SLC19A2: variants seen among roughly 807,000 people sequenced by gnomAD.
SLC19A2 encodes thiamine transporter 1.
Under a neutral mutation model 44.7 loss-of-function variants are expected in SLC19A2, and 27 were observed. The observed-to-expected ratio is 0.60, with a 90% CI of 0.45 to 0.83. The LOEUF is 0.83. Among genes scored for constraint, SLC19A2 ranks in the 40% least tolerant of loss-of-function variants. The pLI is 0.00. For synonymous variants in SLC19A2, 239 were observed against 243.6 expected (o/e 0.98, Z 0.18); for missense variants, 566 against 613.7 (o/e 0.92, Z 0.82).
chr1:169,467,600 CATT>C (rs1295371982), intron 5 of SLC19A2, among the ~76,000 whole-genome samples: 6 of 152,124 alleles, frequency 3.9e-5, no homozygotes, highest in Non-Finnish European at 5.9e-5. Flanking sequence ...AAAGTATTCA[CATT>C]GTTGTTGGGT....
At chr1:169,467,415 AAAC>A (rs1282086888) in intron 5 of SLC19A2, among the ~76,000 whole-genome samples, 28 of 152,342 alleles carry the variant, frequency 1.8e-4, no homozygotes, top group African/African-American at 6.0e-4. Flanking sequence ...GCTTCAGTAA[AAAC>A]AAAGTTAATT....
At chr1:169,468,874 C>G (rs1332598486) in intron 3 of SLC19A2, 38 bp from the exon 4 acceptor site, 1 of 1,573,494 alleles carries the variant, frequency 6.4e-7, no homozygotes, top group Non-Finnish European at 8.7e-7. Context: ...TATTTTGCTA[C>G]ACAAATGCTG....
At chr1:169,483,005 A>C (rs930438119) in intron 1 of SLC19A2, among the ~76,000 whole-genome samples, 3 of 152,268 alleles carry the variant, frequency 2.0e-5, no homozygotes, top group African/African-American at 7.2e-5. Flanking sequence ...GTTTTTAGAG[A>C]TAAAGATCTG....
chr1:169,482,697 A>T (rs1658468016), intron 1 of SLC19A2, among the ~76,000 whole-genome samples: 1 of 152,240 alleles, frequency 6.6e-6, no homozygotes, highest in South Asian at 2.1e-4. Context: ...AAAGATATCA[A>T]CAGATATATA....
intron 1 of SLC19A2, 36 bp from the exon 2 acceptor site, chr1:169,477,793 T>G (rs1468231831): frequency 1.0e-5 from 16 of 1,571,256 alleles, no homozygotes; most frequent in Non-Finnish European, 1.4e-5. Flanking sequence ...CAAAAAACAT[T>G]AGTGATGAAA....
chr1:169,482,740 T>C (rs925066612), intron 1 of SLC19A2, among the ~76,000 whole-genome samples: 1 of 152,204 alleles, frequency 6.6e-6, no homozygotes, highest in Non-Finnish European at 1.5e-5. Context: ...GAATAAGTCT[T>C]TGAGTACATG....
chr1:169,466,455 G>C (rs1202247426), intron 5 of SLC19A2, among the ~76,000 whole-genome samples: 1 of 152,102 alleles, frequency 6.6e-6, no homozygotes, highest in Non-Finnish European at 1.5e-5. Context: ...TTTTTCCCCA[G>C]AAGAGGGCAG....
intron 1 of SLC19A2, among the ~76,000 whole-genome samples, chr1:169,481,290 T>C (rs1035877266): frequency 1.3e-5 from 2 of 152,244 alleles, no homozygotes; most frequent in Admixed American, 1.3e-4. Flanking sequence ...GTTAAGTGAA[T>C]TGTCCCAAGT....
At chr1:169,466,101 C>T (rs180729613) in intron 5 of SLC19A2, 124 bp from the exon 6 acceptor site, 84 of 1,102,160 alleles carry the variant, frequency 7.6e-5, no homozygotes, top group African/African-American at 1.6e-4. Context: ...ACGTGCCAGA[C>T]CCTGAAGACA....
chr1:169,471,698 G>GTGTGTGTGTGTGTGTGTGTGTATA (rs1553212202), intron 2 of SLC19A2, among the ~76,000 whole-genome samples: 1 of 146,882 alleles, frequency 6.8e-6, no homozygotes, highest in Non-Finnish European at 1.5e-5. Flanking sequence ...GTGTGTGTGT[G>GTGTGTGTGTGTGTGTGTGTGTATA]TATATATACA....
Position 169,468,220 on chromosome 1 carries a change from C to T in SLC19A2, c.1256G>A (p.Arg419His), listed in dbSNP as rs530420883. The T allele has an allele frequency of 5.0e-6, 8 of 1,613,594 alleles. No homozygotes were observed. The Admixed American group carries it at 5.0e-5, about 10-fold the overall frequency. The change falls in exon 5 of 6, where the codon CGC becomes CAC. Residue 419 changes from arginine to histidine, a missense_variant. Arg to His is a conservative substitution (Grantham distance 29). Transcript: ENST00000236137. ...FQIAANLSME[R>H]YALVFGVNTF... ...ATTTACACCAAATACTAGGGCATAG[C>T]GTTCCATGCTGAGGTTTGCAGCAAT...
rs778048512 is a variant in SLC19A2, at chr1:169,485,547, C to T, written c.204+16G>A. 1.4e-5 allele frequency: 22 copies of T among 1,574,374 alleles called. No homozygotes were observed. Among genetic ancestry groups the T allele is most frequent in the Non-Finnish European group, 1.5e-5 (17 of 1,160,454 alleles). ...GGTCGCCCGCCCTTCCCGCGCCCCG[C>T]GTCCGCCGCGCGTACCTCCCTCTCG... On this transcript the variant is annotated intron_variant, in intron 1 of 5. Transcript: ENST00000236137.
chr1:169,468,198 T>C lies in SLC19A2; in HGVS notation c.1278A>G (p.Val426=), dbSNP rs200813632. The change falls in exon 5 of 6, where the codon GTA becomes GTG. Residue 426 remains valine (V), a synonymous_variant. Coordinates refer to ENST00000236137, the MANE Select transcript of SLC19A2 (RefSeq NM_006996.3). ...SMERYALVFG[V]NTFIALALQT... ...GCAGTGCCAGGGCAATGAAGGTATT[T>C]ACACCAAATACTAGGGCATAGCGTT... The C allele has an allele frequency of 7.2e-5, 117 of 1,613,986 alleles. 2 individuals carry two copies. Among genetic ancestry groups the C allele is most frequent in the East Asian group, 7.1e-4 (32 of 44,878 alleles).
chr1:169,468,812 C>T lies in SLC19A2; in HGVS notation c.1055G>A (p.Gly352Asp). The change falls in exon 4 of 6, where the codon GGT (glycine) becomes GAT (aspartate). Residue 352 changes from glycine to aspartate, a missense_variant. Gly to Asp is a moderately conservative substitution (Grantham distance 94, BLOSUM62 -1). Coordinates refer to ENST00000236137, the MANE Select transcript of SLC19A2 (RefSeq NM_006996.3). ...LLGAVAVFAV[G>D]YIKISWSTWG... The stretch of plus-strand genomic sequence containing the variant: ...AGTTGACCAGGATATTTTTATATAA[C>T]CAACTGCAAACACAGCAACAGCACC... The T allele has an allele frequency of 6.2e-7, 1 of 1,613,854 alleles. No homozygotes were observed. Among genetic ancestry groups the T allele is most frequent in the Non-Finnish European group, 8.5e-7 (1 of 1,179,852 alleles).
rs1553212202 is a variant in SLC19A2 at position 169,471,698 on chromosome 1, G to GTGTGTGTGTGTGTGTA, written c.808-1513_808-1512insTACACACACACACACA. Among the ~76,000 whole-genome samples, 579 of 146,968 alleles carry GTGTGTGTGTGTGTGTA rather than the reference G, an allele frequency of 3.9e-3. 12 individuals are homozygous for GTGTGTGTGTGTGTGTA. Among genetic ancestry groups the GTGTGTGTGTGTGTGTA allele is most frequent in the East Asian group, 0.029 (133 of 4,584 alleles). ...AACGTGTGTGTGTGTGTGTGTGTGT[G>GTGTGTGTGTGTGTGTA]TATATATACACACACACCATATATA... is the stretch of plus-strand genomic sequence containing the variant. On this transcript the variant is annotated intron_variant, in intron 2 of 5. Coordinates refer to ENST00000236137, the MANE Select transcript of SLC19A2 (RefSeq NM_006996.3).
intron 5 of SLC19A2, 97 bp from the exon 6 acceptor site, chr1:169,466,074 T>A: frequency 7.0e-7 from 1 of 1,422,426 alleles, no homozygotes. Context: ...CCTCAAAAAA[T>A]ATTGCATACT....
chr1:169,474,115 T>C (rs900202122), intron 2 of SLC19A2: 1 of 152,194 alleles, frequency 6.6e-6, no homozygotes, highest in African/African-American at 2.4e-5. Context: ...GGGTTTATTG[T>C]AGTTTTTTAT....
At chr1:169,476,141 A>T (rs1658299059) in intron 2 of SLC19A2, among the ~76,000 whole-genome samples, 1 of 147,774 alleles carries the variant, frequency 6.8e-6, no homozygotes, top group African/African-American at 2.5e-5. Flanking sequence ...ACACTTGAAT[A>T]TTTAAAAAAA....
Position 169,468,742 on chromosome 1 carries a change from A to C in SLC19A2, c.1125T>G (p.Ala375=), listed in dbSNP as rs773563702. The change falls in exon 4 of 6, where the codon GCT becomes GCG. Residue 375 remains alanine (A), a synonymous_variant. Coordinates refer to ENST00000236137, the MANE Select transcript of SLC19A2 (RefSeq NM_006996.3). ...CCACAGTGTCCATGATATACACTGC[A>C]GCAGCAATCAGGAGAGAAAAGAGAG... ...TLSLFSLLIA[A]AVYIMDTVGN... is the part of the protein sequence containing the mutation. The C allele has an allele frequency of 9.3e-6, 15 of 1,613,088 alleles. No homozygotes were observed. The Admixed American group carries it at 2.5e-4, about 27-fold the overall frequency.
Sources: allele counts gnomAD v4.1 joint callset (sites outside exome capture counted in the v4.1 genomes callset), GRCh38; gene constraint gnomAD v4.1.1; transcripts MANE v1.5; gene names NCBI Gene and HGNC (gene_info 2026-07-23, HGNC 2026-07-21).